OLFM3: variants seen among roughly 807,000 people sequenced by gnomAD.
The protein encoded by OLFM3 is noelin-3.
A neutral mutation model predicts 48.6 loss-of-function variants in OLFM3; 20 were observed. That is an observed-to-expected ratio of 0.41 (90% CI 0.29 to 0.60). The LOEUF is 0.60. OLFM3 is among the 20% of genes least tolerant of loss of function. The pLI, the probability that OLFM3 is intolerant of heterozygous loss-of-function variation, is 0.28. For missense variants in OLFM3, 437 were observed against 544.3 expected, an observed-to-expected ratio of 0.80 and a Z score of 1.96; for synonymous variants, 222 against 198.1, an observed-to-expected ratio of 1.12 and a Z score of -1.01.
intron 1 of OLFM3, among the ~76,000 whole-genome samples, chr1:101,899,960 C>G (rs994795187): frequency 1.3e-5 from 2 of 151,974 alleles, no homozygotes; most frequent in African/African-American, 4.8e-5. Flanking sequence ...TTAAGGAACC[C>G]TTTTCTGTCA....
chr1:101,902,728 T>C (rs895730644), intron 1 of OLFM3, among the ~76,000 whole-genome samples: 1 of 152,114 alleles, frequency 6.6e-6, no homozygotes, highest in African/African-American at 2.4e-5. Context: ...GGTTACTATT[T>C]TCCAGGAACT....
At position 101,806,067 on chromosome 1, in the gene OLFM3, G is replaced by A. The variant is rs766744257; in HGVS notation, c.699+9C>T. ...ATTCTAAGCAAAGGTGTTTGTGGGA[G>A]AAACATACTCTGTTGTTTTTCTCAG... On this transcript the variant is annotated intron_variant, in intron 5 of 5. Coordinates refer to ENST00000370103, the MANE Select transcript of OLFM3 (RefSeq NM_058170.4). 12 of 1,599,204 alleles carry A rather than the reference G, an allele frequency of 7.5e-6. 1 individual carries two copies. The South Asian group carries it at 1.2e-4, about 16-fold the overall frequency.
intron 2 of OLFM3, among the ~76,000 whole-genome samples, chr1:101,833,445 G>T (rs1655260478): frequency 6.6e-6 from 1 of 152,176 alleles, no homozygotes; most frequent in South Asian, 2.1e-4. Flanking sequence ...GATGACACGG[G>T]AGACTGAATA....
At chr1:101,994,886 A>G (rs1259524454) in intron 1 of OLFM3, among the ~76,000 whole-genome samples, 1 of 152,064 alleles carries the variant, frequency 6.6e-6, no homozygotes, top group African/African-American at 2.4e-5. Flanking sequence ...GCAAATATCC[A>G]CAGCTCATTC....
intron 1 of OLFM3, among the ~76,000 whole-genome samples, chr1:101,950,027 T>TAAA (rs68119821): frequency 3.1e-5 from 4 of 129,190 alleles, no homozygotes; most frequent in Non-Finnish European, 4.8e-5. Context: ...GACTCCGTCT[T>TAAA]AAAAAAAAAA....
At chr1:101,877,706 A>G (rs1178347604) in intron 1 of OLFM3, among the ~76,000 whole-genome samples, 7 of 151,816 alleles carry the variant, frequency 4.6e-5, no homozygotes, top group Non-Finnish European at 1.0e-4. Context: ...AAATAATTTT[A>G]GTATGTACGA....
At chr1:101,825,965 C>T (rs921411936) in intron 3 of OLFM3, among the ~76,000 whole-genome samples, 2 of 152,154 alleles carry the variant, frequency 1.3e-5, no homozygotes, top group African/African-American at 4.8e-5. Context: ...ACCTGTACTT[C>T]GACTCCATTT....
intron 1 of OLFM3, among the ~76,000 whole-genome samples, chr1:101,863,644 A>G (rs12405526): frequency 6.6e-6 from 1 of 152,172 alleles, no homozygotes; most frequent in Admixed American, 6.5e-5. Context: ...AAAAATATCA[A>G]TATATTTTCC....
chr1:101,868,850 T>C (rs943579597), intron 1 of OLFM3, among the ~76,000 whole-genome samples: 4 of 152,216 alleles, frequency 2.6e-5, no homozygotes, highest in Admixed American at 2.0e-4. Flanking sequence ...AAGGGGCCAA[T>C]GTGCAGCTCA....
chr1:101,826,006 T>C (rs1410727317), intron 3 of OLFM3, among the ~76,000 whole-genome samples: 1 of 152,230 alleles, frequency 6.6e-6, no homozygotes, highest in Admixed American at 6.5e-5. Context: ...AAGGTCGTTA[T>C]GTATGGCAGA....
intron 1 of OLFM3, among the ~76,000 whole-genome samples, chr1:101,842,462 G>A (rs1384586325): frequency 1.3e-5 from 2 of 152,098 alleles, no homozygotes; most frequent in Non-Finnish European, 2.9e-5. Context: ...TGGGAAGATG[G>A]CTTGAGCCTG....
At chr1:101,953,457 T>C (rs1660204258) in intron 1 of OLFM3, among the ~76,000 whole-genome samples, 1 of 152,190 alleles carries the variant, frequency 6.6e-6, no homozygotes, top group Admixed American at 6.5e-5. Flanking sequence ...GATTTGGCAC[T>C]TTACAGCACA....
At chr1:101,886,177 T>C (rs944173353) in intron 1 of OLFM3, among the ~76,000 whole-genome samples, 2 of 151,700 alleles carry the variant, frequency 1.3e-5, no homozygotes, top group African/African-American at 2.4e-5. Flanking sequence ...CATGCAAAAA[T>C]GAGAAGGTTG....
At chr1:101,835,283 G>A (rs928020024) in intron 2 of OLFM3, among the ~76,000 whole-genome samples, 2 of 152,096 alleles carry the variant, frequency 1.3e-5, no homozygotes, top group African/African-American at 4.8e-5. Flanking sequence ...ATATATATTT[G>A]AATTTTTATA....
At position 101,809,300 on chromosome 1, in the gene OLFM3, G is replaced by T. The variant is rs148192813; in HGVS notation, c.593-3118C>A. 5.7e-3 allele frequency among the ~76,000 whole-genome samples: 867 copies of T among 151,896 alleles called. 10 individuals are homozygous for T. The highest frequency in any genetic ancestry group is 0.02 in the African/African-American group (810 of 41,514). ...CTACTGTGAAATGTTAGAAGATTAA[G>T]AGTAAATTGAAATGGAAACTTTTTA... On this transcript the variant is annotated intron_variant, in intron 4 of 5. Coordinates refer to ENST00000370103, the MANE Select transcript of OLFM3 (RefSeq NM_058170.4).
intron 1 of OLFM3, among the ~76,000 whole-genome samples, chr1:101,887,514 T>G (rs1005835093): frequency 6.6e-6 from 1 of 151,992 alleles, no homozygotes; most frequent in South Asian, 2.1e-4. Context: ...CAGTAAGATC[T>G]TAAGGTCAAT....
chr1:101,932,078 G>C (rs1659460835), intron 1 of OLFM3, among the ~76,000 whole-genome samples: 1 of 152,166 alleles, frequency 6.6e-6, no homozygotes, highest in Non-Finnish European at 1.5e-5. Context: ...AAAAAGTGTA[G>C]AGTGTGATTT....
chr1:101,841,657 ACGGCAAT>A (rs1270143786), intron 1 of OLFM3, among the ~76,000 whole-genome samples: 1 of 152,242 alleles, frequency 6.6e-6, no homozygotes, highest in Non-Finnish European at 1.5e-5. Flanking sequence ...TGTGGAAGGC[ACGGCAAT>A]CATTTATCAG....
At position 101,846,875 on chromosome 1, in the gene OLFM3, G is replaced by C. The variant is rs368716131; in HGVS notation, c.70-9850C>G. 8 of 1,612,544 alleles carry C rather than the reference G, an allele frequency of 5.0e-6. No homozygotes were observed. The African/African-American group carries it at 9.3e-5, about 19-fold the overall frequency. On this transcript the variant is annotated intron_variant, in intron 1 of 5. Transcript: ENST00000370103. ...TATCCGGAGTCGACAGCCTCGTGGT[G>C]TTCAGTCCCACCAAGGATGGGAGAG...
Sources: allele counts gnomAD v4.1 joint callset (sites outside exome capture counted in the v4.1 genomes callset), GRCh38; gene constraint gnomAD v4.1.1; transcripts MANE v1.5; gene names NCBI Gene and HGNC (gene_info 2026-07-23, HGNC 2026-07-21).